The following PRKG1 variants were observed in gnomAD, a reference collection of about 807,000 sequenced individuals.
PRKG1 encodes protein kinase cGMP-dependent 1.
A neutral mutation model predicts 88.1 loss-of-function variants in PRKG1; 35 were observed. The observed-to-expected ratio is 0.40, with a 90% confidence interval of 0.30 to 0.53. PRKG1 has a LOEUF of 0.53. Among genes scored for constraint, PRKG1 ranks in the 20% least tolerant of loss-of-function variants. The probability of loss-of-function intolerance (pLI) is 0.59; values close to 1 mark genes in which losing one functional copy is unlikely to be tolerated. For missense variants in PRKG1, 540 were observed against 839.8 expected (o/e 0.64, Z 4.41); for synonymous variants, 303 against 292.5 (o/e 1.04, Z -0.37).
At chr10:51,098,775 C>T (rs1180854089) in intron 1 of PRKG1, among the ~76,000 whole-genome samples, 4 of 152,182 alleles carry the variant, frequency 2.6e-5, no homozygotes, top group Admixed American at 2.6e-4. Flanking sequence ...CTCTTGGTTT[C>T]CTTTTAAAAT....
chr10:52,040,835 T>TTC (rs1385790737), intron 5 of PRKG1, among the ~76,000 whole-genome samples: 1 of 140,622 alleles, frequency 7.1e-6, no homozygotes, highest in Non-Finnish European at 1.5e-5. Flanking sequence ...GGCTTTTCTT[T>TTC]TTTTTTTTTT....
At chr10:51,025,086 C>T (rs572539771) in intron 1 of PRKG1, among the ~76,000 whole-genome samples, 1 of 152,184 alleles carries the variant, frequency 6.6e-6, no homozygotes, top group Non-Finnish European at 1.5e-5. Flanking sequence ...ACTAACCACT[C>T]CCTTCTAAAC....
At chr10:51,827,652 G>T (rs10999663) in intron 4 of PRKG1, among the ~76,000 whole-genome samples, 4,226 of 152,128 alleles carry the variant, frequency 0.028, 118 homozygotes, top group East Asian at 0.11. Context: ...GATACATCAT[G>T]ATGATTCTGA....
intron 4 of PRKG1, among the ~76,000 whole-genome samples, chr10:51,867,065 A>G (rs1410270463): frequency 6.6e-6 from 1 of 152,184 alleles, no homozygotes; most frequent in Non-Finnish European, 1.5e-5. Flanking sequence ...GTAGAAAACC[A>G]TACACCATAC....
Position 51,331,368 on chromosome 10 carries a change from G to A in PRKG1, c.479-136355G>A, listed in dbSNP as rs552257134. Among the ~76,000 whole-genome samples, 17 of 152,226 alleles carry A rather than the reference G, an allele frequency of 1.1e-4. No individual in the cohort carries two copies. In the South Asian group the frequency reaches 1.7e-3, roughly 15 times the overall value. ...AAGCAAGTGTGAAACTTGGAGCTTC[G>A]TGGTCTCATCTGGTGCCAGAGTGTT... On this transcript the variant is annotated intron_variant, in intron 2 of 17. Coordinates refer to ENST00000373980, the MANE Select transcript of PRKG1 (RefSeq NM_006258.4).
intron 5 of PRKG1, among the ~76,000 whole-genome samples, chr10:51,959,941 T>A (rs752993440): frequency 4.6e-5 from 7 of 152,262 alleles, no homozygotes; most frequent in African/African-American, 1.2e-4. Flanking sequence ...CTATCACAGA[T>A]TGAAGATATC....
intron 2 of PRKG1, among the ~76,000 whole-genome samples, chr10:51,193,791 T>C (rs920843297): frequency 1.1e-4 from 16 of 152,108 alleles, no homozygotes; most frequent in Admixed American, 1.1e-3. Context: ...CTTTACTCTG[T>C]TTGATCCATC....
At chr10:52,267,193 A>G (rs1048052118) in intron 10 of PRKG1, among the ~76,000 whole-genome samples, 1 of 152,102 alleles carries the variant, frequency 6.6e-6, no homozygotes, top group African/African-American at 2.4e-5. Flanking sequence ...TTTTTATAAT[A>G]AAACCTAGTA....
intron 5 of PRKG1, among the ~76,000 whole-genome samples, chr10:51,929,102 C>A (rs1012659799): frequency 3.3e-5 from 5 of 152,084 alleles, no homozygotes; most frequent in African/African-American, 1.2e-4. Context: ...AAGACTGAAA[C>A]TAATTAACTT....
chr10:51,203,644 C>T (rs561145910), intron 2 of PRKG1, among the ~76,000 whole-genome samples: 3 of 152,300 alleles, frequency 2.0e-5, no homozygotes, highest in East Asian at 3.9e-4. Flanking sequence ...AATCCTGGCT[C>T]CACCAACAGA....
intron 3 of PRKG1, among the ~76,000 whole-genome samples, chr10:51,574,524 C>T (rs1208152951): frequency 1.3e-5 from 2 of 151,904 alleles, no homozygotes; most frequent in Non-Finnish European, 2.9e-5. Context: ...CTCAACATTC[C>T]AACTCACTCT....
At chr10:51,030,998 T>G (rs567975181) in intron 1 of PRKG1, among the ~76,000 whole-genome samples, 10 of 152,312 alleles carry the variant, frequency 6.6e-5, no homozygotes, top group African/African-American at 2.4e-4. Flanking sequence ...GATTTTAATT[T>G]TTTTACTAGT....
intron 3 of PRKG1, among the ~76,000 whole-genome samples, chr10:51,749,791 A>C (rs1465798080): frequency 3.3e-5 from 5 of 152,292 alleles, no homozygotes; most frequent in South Asian, 2.1e-4. Flanking sequence ...TCATTGCATT[A>C]AACTGCTCCT....
At chr10:52,084,394 TTATTGCCTTGAGATA>T (rs1159711511) in intron 7 of PRKG1, among the ~76,000 whole-genome samples, 8 of 152,048 alleles carry the variant, frequency 5.3e-5, no homozygotes, top group Non-Finnish European at 1.0e-4. Context: ...TTTGAAATAT[TTATTGCCTTGAGATA>T]TATTGCCATG....
chr10:51,928,906 A>G (rs536488868), intron 5 of PRKG1, among the ~76,000 whole-genome samples: 7 of 152,186 alleles, frequency 4.6e-5, no homozygotes, highest in Non-Finnish European at 7.4e-5. Flanking sequence ...TTGATCAACT[A>G]TTTTGAAACT....
chr10:51,218,449 G>C (rs188670078), intron 2 of PRKG1, among the ~76,000 whole-genome samples: 1 of 133,426 alleles, frequency 7.5e-6, no homozygotes, highest in Non-Finnish European at 1.6e-5. Context: ...CTAATGACTA[G>C]CATATTTTGA....
chr10:52,269,960 T>C (rs1841674361), intron 10 of PRKG1, among the ~76,000 whole-genome samples: 1 of 152,072 alleles, frequency 6.6e-6, no homozygotes, highest in East Asian at 1.9e-4. Context: ...AGCCTCCAAG[T>C]CTTCCCAGTT....
At chr10:51,543,926 T>C (rs1014372191) in intron 3 of PRKG1, among the ~76,000 whole-genome samples, 1 of 152,180 alleles carries the variant, frequency 6.6e-6, no homozygotes, top group Non-Finnish European at 1.5e-5. Flanking sequence ...TGGATACCCT[T>C]TCCAATTCAT....
chr10:52,051,802 A>G (rs1845993346), intron 5 of PRKG1, among the ~76,000 whole-genome samples: 1 of 152,208 alleles, frequency 6.6e-6, no homozygotes, highest in Non-Finnish European at 1.5e-5. Context: ...TTCCATGAGG[A>G]AAAGAAGAGA....
Sources: gnomAD v4.1 joint callset for allele counts (sites outside exome capture counted in the v4.1 genomes callset) on GRCh38, gnomAD v4.1.1 for gene constraint, MANE v1.5 for transcripts, NCBI Gene and HGNC (gene_info 2026-07-23, HGNC 2026-07-21) for gene names.